Variants in NUDT21 observed in about 807,000 individuals in gnomAD.
The protein encoded by NUDT21 is nudix hydrolase 21.
NUDT21 carries 5 observed loss-of-function variants against 29.8 expected under a neutral mutation model. The ratio of observed to expected loss-of-function variants is 0.17; its 90% CI spans 0.09 to 0.35. The LOEUF (loss-of-function observed/expected upper bound fraction) is 0.35. Ranked by LOEUF, NUDT21 falls within the 10% of genes least tolerant of loss-of-function variation. The probability of loss-of-function intolerance (pLI) is 1.00; values close to 1 mark genes in which losing one functional copy is unlikely to be tolerated. For missense variants in NUDT21, 76 were observed against 276.0 expected (o/e 0.28, Z 5.13); for synonymous variants, 113 against 98.5 (o/e 1.15, Z -0.87).
chr16:56,447,609 T>C (rs75464110), intron 2 of NUDT21, 180 bp downstream of exon 2: 27,195 of 594,268 alleles, frequency 0.046, 792 homozygotes, highest in East Asian at 0.1. Flanking sequence ...GATTACTAGT[T>C]AGGAAAATAA....
intron 6 of NUDT21, among the ~76,000 whole-genome samples, chr16:56,433,226 G>T (rs758755498): frequency 1.3e-5 from 2 of 152,156 alleles, no homozygotes; most frequent in Non-Finnish European, 2.9e-5. Context: ...TTCACAAAAG[G>T]CCAATTTCAC....
At chr16:56,438,664 G>A (rs533900415) in intron 4 of NUDT21, among the ~76,000 whole-genome samples, 2 of 152,094 alleles carry the variant, frequency 1.3e-5, no homozygotes, top group African/African-American at 2.4e-5. Flanking sequence ...AACTGAGCCT[G>A]AATACAATTT....
chr16:56,450,938 G>A (rs1021666561), intron 1 of NUDT21, 149 bp downstream of exon 1: 17 of 639,456 alleles, frequency 2.7e-5, no homozygotes, highest in Non-Finnish European at 4.1e-5. Flanking sequence ...AAAGGGGCCT[G>A]AGAGAGGGAG....
At chr16:56,451,000 G>C in intron 1 of NUDT21, 87 bp downstream of exon 1, 7 of 1,148,026 alleles carry the variant, frequency 6.1e-6, no homozygotes, top group Non-Finnish European at 7.7e-6. Flanking sequence ...GCAGAGGCGT[G>C]AAGCGCGCCG....
At position 56,430,330 on chromosome 16, in the gene NUDT21, CCCT is replaced by C. The variant is rs2143928561; in HGVS notation, c.*2379_*2381del. The C allele has an allele frequency of 6.6e-6, 1 of 152,226 alleles. No homozygotes were observed. Among genetic ancestry groups the C allele is most frequent in the South Asian group, 2.1e-4 (1 of 4,822 alleles). 9.4% of individuals were successfully genotyped at this position (152,226 alleles called of 1,614,324 possible). The stretch of plus-strand genomic sequence containing the variant: ...TTGTATAAACCTTTATAGTTTTTCC[CCCT>C]AATCTACTAAACATATTCCAGTGTC... On this transcript the variant is annotated 3_prime_UTR_variant, in exon 7 of 7. Transcript: ENST00000300291.
intron 1 of NUDT21, among the ~76,000 whole-genome samples, chr16:56,449,010 A>G (rs1038593562): frequency 6.6e-6 from 1 of 152,224 alleles, no homozygotes; most frequent in Non-Finnish European, 1.5e-5. Context: ...ATTAAAATAT[A>G]CCATTCCAGG....
Position 56,434,521 on chromosome 16 carries a change from T to C in NUDT21, c.548-76A>G, listed in dbSNP as rs879047422. On this transcript the variant is annotated intron_variant, in intron 5 of 6. Transcript: ENST00000300291. ...CCATTTCATTTTTAAATTACCAATT[T>C]TACATTTAATAAAAAGTGTAAGAAA... The C allele has an allele frequency of 2.3e-5, 20 of 886,472 alleles. No homozygotes were observed. The South Asian group carries it at 2.4e-4, about 11-fold the overall frequency. 54.9% of individuals were successfully genotyped at this position (886,472 alleles called of 1,614,324 possible).
At chr16:56,450,897 A>C (rs1304317082) in intron 1 of NUDT21, among the ~76,000 whole-genome samples, 190 bp downstream of exon 1, 1 of 152,232 alleles carries the variant, frequency 6.6e-6, no homozygotes, top group Non-Finnish European at 1.5e-5. Context: ...CTTTCAGAAA[A>C]GGACTCTAAC....
intron 3 of NUDT21, among the ~76,000 whole-genome samples, chr16:56,443,730 T>C (rs1962185058): frequency 1.3e-5 from 2 of 152,216 alleles, no homozygotes; most frequent in South Asian, 2.1e-4. Context: ...GCTTCCTCCC[T>C]TGCCATGTCT....
chr16:56,448,038 T>TA (rs1362715839), intron 1 of NUDT21, 49 bp from the exon 2 acceptor site: 1 of 1,512,530 alleles, frequency 6.6e-7, no homozygotes, highest in South Asian at 1.1e-5. Flanking sequence ...GAATGTAATT[T>TA]ACCATGACAG....
In NUDT21 at chr16:56,432,095, G is replaced by C. The variant is rs184365503; in HGVS notation, c.*617C>G. 6.6e-6 allele frequency: 1 copy of C among 152,060 alleles called. No homozygotes were observed. Among genetic ancestry groups the C allele is most frequent in the Non-Finnish European group, 1.5e-5 (1 of 68,022 alleles). 9.4% of individuals were successfully genotyped at this position (152,060 alleles called of 1,614,324 possible). On this transcript the variant is annotated 3_prime_UTR_variant, in exon 7 of 7. Coordinates refer to ENST00000300291, the MANE Select transcript of NUDT21 (RefSeq NM_007006.3). Reference sequence around the variant, plus strand: ...ATACCAATTCCTATGACTACTGATCGAGCCAATTTTAATAGTTTCCTGTAT... The same window carrying C: ...ATACCAATTCCTATGACTACTGATCCAGCCAATTTTAATAGTTTCCTGTAT...
rs540277223 is a variant in NUDT21, at chr16:56,429,402, C to T, written c.*3310G>A. On this transcript the variant is annotated 3_prime_UTR_variant, in exon 7 of 7. Coordinates refer to ENST00000300291, the MANE Select transcript of NUDT21 (RefSeq NM_007006.3). ...CAGCATAATCAATATATCTTCCCAA[C>T]TTATCTCTATTTTTACGATATGATC... is the stretch of plus-strand genomic sequence containing the variant. 1 of 152,314 alleles carries T rather than the reference C, an allele frequency of 6.6e-6. No individual in the cohort carries two copies. The highest frequency in any genetic ancestry group is 2.1e-4 in the South Asian group (1 of 4,828). The allele number at this position is 152,314 out of a possible 1,614,324, so 9.4% of individuals were successfully genotyped here. A position where few individuals can be genotyped will look rare whatever the true frequency, so the allele number is the denominator to read the frequency against.
At chr16:56,434,306 C>A (rs200077561) in intron 6 of NUDT21, 25 bp downstream of exon 6, 13 of 1,480,630 alleles carry the variant, frequency 8.8e-6, no homozygotes, top group Non-Finnish European at 5.7e-6. Flanking sequence ...TATGGATGAA[C>A]CAAAAAATGT....
intron 1 of NUDT21, 40 bp downstream of exon 1, chr16:56,451,047 T>C (rs779182806): frequency 1.7e-5 from 27 of 1,566,810 alleles, no homozygotes; most frequent in Non-Finnish European, 2.4e-5. Context: ...TATAGGAGCT[T>C]TCACGAGAGA....
chr16:56,439,388 G>C (rs1962136916), intron 4 of NUDT21: 1 of 351,822 alleles, frequency 2.8e-6, no homozygotes, highest in Non-Finnish European at 5.4e-6. Flanking sequence ...GGCCAGGCTG[G>C]TCTCAAACTC....
Position 56,451,114 on chromosome 16 carries a change from G to A in NUDT21, c.89C>T (p.Pro30Leu). ...FGNKYIQQTK[P>L]LTLERTINLY... The stretch of plus-strand genomic sequence containing the variant: ...GTTGATGGTGCGCTCCAGGGTGAGG[G>A]GCTTCGTCTGCTGGATGTACTTGTT... The change falls in exon 1 of 7, where the codon CCC (proline) becomes CTC (leucine). Residue 30 changes from proline (P) to leucine (L), a missense_variant. By Grantham distance (98) the Pro-to-Leu change is moderately conservative. This residue lies in a region of NUDT21 where 20 missense variants were observed against 26.3 expected (regional missense o/e 0.76). Coordinates refer to ENST00000300291, the MANE Select transcript of NUDT21 (RefSeq NM_007006.3). The A allele has an allele frequency of 6.2e-7, 1 of 1,613,754 alleles. No homozygotes were observed. The highest frequency in any genetic ancestry group is 8.5e-7 in the Non-Finnish European group (1 of 1,179,876).
chr16:56,434,261 C>A (rs1242661297), intron 6 of NUDT21, 70 bp downstream of exon 6: 1 of 969,420 alleles, frequency 1.0e-6, no homozygotes, highest in Non-Finnish European at 1.7e-6. Flanking sequence ...TATACCTTCC[C>A]AAGTGGCTCA....
chr16:56,446,587 T>C (rs1345914172), intron 3 of NUDT21, 39 bp downstream of exon 3: 1 of 1,185,230 alleles, frequency 8.4e-7, no homozygotes, highest in Non-Finnish European at 1.2e-6. Flanking sequence ...AAATAACTAG[T>C]AAGTTGATGG....
At chr16:56,435,755 A>ATATATATATG (rs1212079440) in intron 4 of NUDT21, among the ~76,000 whole-genome samples, 2 of 72,672 alleles carry the variant, frequency 2.8e-5, no homozygotes, top group Non-Finnish European at 5.6e-5. Flanking sequence ...ATATATATAT[A>ATATATATATG]TATATATATA....
Sources: gnomAD v4.1 joint callset for allele counts (sites outside exome capture counted in the v4.1 genomes callset) on GRCh38, gnomAD v4.1.1 for gene constraint, gnomAD v4.1.1 regional missense constraint, MANE v1.5 for transcripts, NCBI Gene and HGNC (gene_info 2026-07-23, HGNC 2026-07-21) for gene names.